Variants in ZNF385D observed in about 807,000 individuals in gnomAD.
ZNF385D encodes zinc finger protein 385D.
In ZNF385D, 15 loss-of-function variants were observed where a neutral mutation model predicts 35.8. The ratio of observed to expected loss-of-function variants is 0.42; its 90% CI spans 0.28 to 0.64. The LOEUF (loss-of-function observed/expected upper bound fraction) is 0.64, where lower values mean the gene tolerates loss of function less well. ZNF385D is among the 30% of genes least tolerant of loss of function. The pLI, the probability that ZNF385D is intolerant of heterozygous loss-of-function variation, is 0.23. For synonymous variants in ZNF385D, 212 were observed against 186.8 expected, an observed-to-expected ratio of 1.13 and a Z score of -1.10; for missense variants, 474 against 494.6, an observed-to-expected ratio of 0.96 and a Z score of 0.39.
intron 3 of ZNF385D, among the ~76,000 whole-genome samples, chr3:22,060,254 C>T (rs775437597): frequency 6.6e-6 from 1 of 152,140 alleles, no homozygotes; most frequent in Non-Finnish European, 1.5e-5. Flanking sequence ...AGCCAATTCC[C>T]ATAATAAATC....
chr3:21,548,168 T>G (rs1480116661), intron 3 of ZNF385D, among the ~76,000 whole-genome samples: 1 of 152,110 alleles, frequency 6.6e-6, no homozygotes, highest in Admixed American at 6.5e-5. Context: ...TTTACGCCAT[T>G]TGGGAGCCTA....
intron 3 of ZNF385D, among the ~76,000 whole-genome samples, chr3:22,004,206 C>G (rs572214451): frequency 6.6e-6 from 1 of 152,026 alleles, no homozygotes; most frequent in Admixed American, 6.6e-5. Context: ...GATAGGATAC[C>G]GTCTTCAATA....
intron 3 of ZNF385D, among the ~76,000 whole-genome samples, chr3:22,136,624 A>G (rs1408306892): frequency 1.3e-5 from 2 of 152,228 alleles, no homozygotes; most frequent in African/African-American, 4.8e-5. Context: ...ATCAAAAAAG[A>G]TATGTAGATA....
intron 3 of ZNF385D, among the ~76,000 whole-genome samples, chr3:21,915,548 G>A (rs1700154637): frequency 6.6e-6 from 1 of 151,982 alleles, no homozygotes; most frequent in Admixed American, 6.6e-5. Context: ...AATATTGCCT[G>A]TATTGATGCT....
intron 3 of ZNF385D, among the ~76,000 whole-genome samples, chr3:21,780,670 T>C (rs1338270622): frequency 6.6e-6 from 1 of 152,084 alleles, no homozygotes. Flanking sequence ...GGACTAATTG[T>C]ATTTTACATT....
chr3:21,916,738 ATTG>A (rs1700209697), intron 3 of ZNF385D, among the ~76,000 whole-genome samples: 1 of 152,206 alleles, frequency 6.6e-6, no homozygotes, highest in African/African-American at 2.4e-5. Context: ...CCCATTCCTT[ATTG>A]TTTGATATTT....
At chr3:22,339,897 C>T (rs539905505) in intron 2 of ZNF385D, among the ~76,000 whole-genome samples, 86 of 152,302 alleles carry the variant, frequency 5.6e-4, no homozygotes, top group African/African-American at 2.0e-3. Flanking sequence ...TGATCCTACT[C>T]AGTTTCTCCA....
intron 2 of ZNF385D, among the ~76,000 whole-genome samples, chr3:21,605,969 G>T (rs2064467745): frequency 6.6e-6 from 1 of 152,004 alleles, no homozygotes; most frequent in Non-Finnish European, 1.5e-5. Context: ...TGCAGACTGT[G>T]CTGGTATTCT....
intron 3 of ZNF385D, among the ~76,000 whole-genome samples, chr3:21,931,134 T>C (rs1700986803): frequency 6.6e-6 from 1 of 152,022 alleles, no homozygotes; most frequent in African/African-American, 2.4e-5. Context: ...AAATTAAACA[T>C]GGAGAAAGGA....
At chr3:21,564,759 T>TAAAG in intron 2 of ZNF385D, 75 bp from the exon 3 acceptor site, 2 of 846,560 alleles carry the variant, frequency 2.4e-6, no homozygotes, top group Non-Finnish European at 3.6e-6. Context: ...CCTATTTCAT[T>TAAAG]AAAGAACCAA....
intron 3 of ZNF385D, among the ~76,000 whole-genome samples, chr3:21,853,506 C>A (rs62236500): frequency 3.9e-4 from 14 of 35,982 alleles, no homozygotes; most frequent in African/African-American, 1.8e-3. Context: ...AAATTGCAGT[C>A]CTTTTTTTTT....
chr3:21,874,082 G>A (rs2125851750), intron 3 of ZNF385D, among the ~76,000 whole-genome samples: 1 of 151,916 alleles, frequency 6.6e-6, no homozygotes, highest in Non-Finnish European at 1.5e-5. Context: ...ATTTTTGACA[G>A]AAGATGCACC....
chr3:21,943,649 A>C (rs1701642242), intron 3 of ZNF385D, among the ~76,000 whole-genome samples: 1 of 152,138 alleles, frequency 6.6e-6, no homozygotes, highest in African/African-American at 2.4e-5. Flanking sequence ...GAATAAATGC[A>C]TTTATATGTT....
chr3:21,528,106 C>T (rs1213382957), intron 3 of ZNF385D, among the ~76,000 whole-genome samples: 2 of 152,140 alleles, frequency 1.3e-5, no homozygotes, highest in Admixed American at 6.6e-5. Context: ...CTCCAAAGTT[C>T]ATTGCACCAT....
At chr3:21,845,206 C>T (rs1695928747) in intron 3 of ZNF385D, among the ~76,000 whole-genome samples, 1 of 151,680 alleles carries the variant, frequency 6.6e-6, no homozygotes, top group South Asian at 2.1e-4. Flanking sequence ...AATTTGCTGC[C>T]TCTTATAGAA....
intron 3 of ZNF385D, among the ~76,000 whole-genome samples, chr3:22,099,331 G>C (rs1302545647): frequency 6.6e-6 from 1 of 152,100 alleles, no homozygotes; most frequent in Non-Finnish European, 1.5e-5. Flanking sequence ...TGAAGGTTTG[G>C]AATAGTCATG....
chr3:21,805,270 T>A (rs1428593384), intron 3 of ZNF385D, among the ~76,000 whole-genome samples: 1 of 152,200 alleles, frequency 6.6e-6, no homozygotes, highest in African/African-American at 2.4e-5. Context: ...AGAGAGAATA[T>A]ATATGTGTAA....
rs137904285 is a variant in ZNF385D, at chr3:21,581,164, C to G, written c.166-16480G>C. Among the ~76,000 whole-genome samples the G allele has an allele frequency of 2.1e-3, 317 of 152,274 alleles. 2 individuals carry two copies. Among genetic ancestry groups the G allele is most frequent in the African/African-American group, 7.5e-3 (310 of 41,554 alleles). ...ATTCATTTTCCATTACTGCTTGCCC[C>G]AGACATTTTGCTGCAATAACGTAGA... On this transcript the variant is annotated intron_variant, in intron 2 of 7. Transcript: ENST00000281523.
At chr3:21,454,429 T>A (rs1575173715) in intron 4 of ZNF385D, among the ~76,000 whole-genome samples, 1 of 152,272 alleles carries the variant, frequency 6.6e-6, no homozygotes, top group Middle Eastern at 3.4e-3. Context: ...TCCTCTATTA[T>A]CTTGCTGACT....
Sources: gnomAD v4.1 joint callset for allele counts (sites outside exome capture counted in the v4.1 genomes callset) on GRCh38, gnomAD v4.1.1 for gene constraint, MANE v1.5 for transcripts, NCBI Gene and HGNC (gene_info 2026-07-23, HGNC 2026-07-21) for gene names.